The following ENTPD5 variants were observed in gnomAD, a reference collection of about 807,000 sequenced individuals.
ENTPD5 encodes the protein nucleoside diphosphate phosphatase ENTPD5.
A neutral mutation model predicts 60.2 loss-of-function variants in ENTPD5; 49 were observed. The observed-to-expected ratio is 0.81, with a 90% CI of 0.65 to 1.03. The LOEUF is 1.03. Ranked by LOEUF, ENTPD5 falls within the 50% of genes least tolerant of loss-of-function variation. The probability of loss-of-function intolerance (pLI) is 0.00; values close to 1 mark genes in which losing one functional copy is unlikely to be tolerated. For missense variants in ENTPD5, 480 were observed against 507.6 expected (o/e 0.95, Z 0.52); for synonymous variants, 187 against 185.4 (o/e 1.01, Z -0.07).
intron 14 of ENTPD5, among the ~76,000 whole-genome samples, 199 bp downstream of exon 14, chr14:73,971,653 T>A (rs1439521793): frequency 6.6e-6 from 1 of 152,188 alleles, no homozygotes; most frequent in African/African-American, 2.4e-5. Context: ...CCTGAGTAGC[T>A]GGGACTACAG....
At chr14:73,997,432 G>C (rs1443801456) in intron 3 of ENTPD5, among the ~76,000 whole-genome samples, 1 of 152,060 alleles carries the variant, frequency 6.6e-6, no homozygotes, top group Admixed American at 6.6e-5. Context: ...TCCACCAAAA[G>C]GTCCAAAAAG....
rs1414755844 is a variant in ENTPD5, at chr14:73,975,000, A to C, written c.723-15T>G. On this transcript the variant is annotated splice_polypyrimidine_tract_variant and intron_variant, in intron 10 of 15. Coordinates refer to ENST00000334696, the MANE Select transcript of ENTPD5 (RefSeq NM_001249.5). ...ATCCCAGGTAACTGTAAAATACAGGATTGACTAATTTCATGCTGGTCCTGA... is the reference window on the plus strand; with the variant it reads ...ATCCCAGGTAACTGTAAAATACAGGCTTGACTAATTTCATGCTGGTCCTGA... 6.2e-7 allele frequency: 1 copy of C among 1,600,040 alleles called. No homozygotes were observed. The highest frequency in any genetic ancestry group is 1.3e-5 in the African/African-American group (1 of 74,796).
At chr14:74,009,019 C>A (rs1451827497) in intron 3 of ENTPD5, 3 of 152,186 alleles carry the variant, frequency 2.0e-5, no homozygotes, top group African/African-American at 4.8e-5. Flanking sequence ...CCATTCTGTA[C>A]AATGAACTCA....
At chr14:73,955,697 T>TGACA, downstream of ENTPD5, 1 of 1,544,526 alleles carries the variant, frequency 6.5e-7, no homozygotes, top group Non-Finnish European at 8.9e-7. Context: ...CCAGAGAGGC[T>TGACA]GACAAATTGT....
chr14:73,965,269 G>C lies in ENTPD5; in HGVS notation c.*1659C>G, dbSNP rs1007411157. The C allele has an allele frequency of 6.8e-6, 1 of 147,796 alleles. No individual in the cohort carries two copies. The allele number at this position is 147,796 out of a possible 1,614,324, so 9.2% of individuals were successfully genotyped here. On this transcript the variant is annotated 3_prime_UTR_variant, in exon 16 of 16. Coordinates refer to ENST00000334696, the MANE Select transcript of ENTPD5 (RefSeq NM_001249.5). ...CATACTTAACATCCTTTGTGAGAGA[G>C]AGGATGGAAACGGAGTCTACTGTGA...
intron 1 of ENTPD5, among the ~76,000 whole-genome samples, chr14:74,017,973 G>C (rs2059099975): frequency 6.6e-6 from 1 of 151,988 alleles, no homozygotes; most frequent in Non-Finnish European, 1.5e-5. Context: ...CCTGAGGCCA[G>C]GAGTTCGAGA....
chr14:73,973,818 G>A, intron 12 of ENTPD5, 59 bp downstream of exon 12: 1 of 1,468,656 alleles, frequency 6.8e-7, no homozygotes, highest in Admixed American at 1.7e-5. Flanking sequence ...TTTCCCATGG[G>A]ACTTTTCCAG....
At chr14:73,993,921 C>CAAAA (rs144253560) in intron 3 of ENTPD5, among the ~76,000 whole-genome samples, 1 of 93,274 alleles carries the variant, frequency 1.1e-5, no homozygotes, top group African/African-American at 3.2e-5. Context: ...CACGAAAAAA[C>CAAAA]AAACAAAAAA....
intron 11 of ENTPD5, among the ~76,000 whole-genome samples, chr14:73,974,529 T>C (rs2057357012): frequency 6.6e-6 from 1 of 152,230 alleles, no homozygotes; most frequent in African/African-American, 2.4e-5. Flanking sequence ...GCCTGACCTG[T>C]GAAGAGATCA....
At position 73,966,615 on chromosome 14, in the gene ENTPD5, AGTGGAAT is replaced by A. The variant is rs1351489928; in HGVS notation, c.*306_*312del. The A allele has an allele frequency of 1.9e-5, 5 of 258,178 alleles. No homozygotes were observed. Among genetic ancestry groups the A allele is most frequent in the Non-Finnish European group, 3.7e-5 (5 of 135,098 alleles). 16.0% of individuals were successfully genotyped at this position (258,178 alleles called of 1,614,324 possible). On this transcript the variant is annotated 3_prime_UTR_variant, in exon 16 of 16. Coordinates refer to ENST00000334696, the MANE Select transcript of ENTPD5 (RefSeq NM_001249.5). The stretch of plus-strand genomic sequence containing the variant: ...ATTTAAGAGGAAAATTTAAATATTC[AGTGGAAT>A]GAGGCACTCAAAGGGTTGAAATGCG...
downstream of ENTPD5, chr14:73,959,336 C>T (rs773077068): frequency 1.2e-6 from 2 of 1,613,990 alleles, no homozygotes; most frequent in East Asian, 2.2e-5. Flanking sequence ...TTGTAAGTTC[C>T]CTTTTTGTCT....
chr14:73,994,374 G>A (rs534520047), intron 3 of ENTPD5, among the ~76,000 whole-genome samples: 3 of 151,750 alleles, frequency 2.0e-5, no homozygotes, highest in African/African-American at 7.3e-5. Flanking sequence ...TGATCCACTC[G>A]CCTCAGCCTC....
chr14:73,965,632 G>C lies in ENTPD5; in HGVS notation c.*1296C>G, dbSNP rs2056942986. The C allele has an allele frequency of 6.6e-6, 1 of 152,200 alleles. No individual in the cohort carries two copies. The highest frequency in any genetic ancestry group is 1.5e-5 in the Non-Finnish European group (1 of 68,084). The allele number at this position is 152,200 out of a possible 1,614,324, so 9.4% of individuals were successfully genotyped here. ...CAGCTCTTCAGGAGGCTGAGAACAA[G>C]AATCGCTTGAACCTGGGGGCGGAGG... On this transcript the variant is annotated 3_prime_UTR_variant, in exon 16 of 16. Transcript: ENST00000334696.
At chr14:73,975,827 A>G (rs1411892927) in intron 10 of ENTPD5, 109 bp downstream of exon 10, 2 of 948,026 alleles carry the variant, frequency 2.1e-6, no homozygotes, top group East Asian at 4.9e-5. Context: ...GGGAATTGGC[A>G]CAGACTTTGT....
At chr14:73,985,073 T>C (rs896510617) in intron 5 of ENTPD5, among the ~76,000 whole-genome samples, 1 of 152,176 alleles carries the variant, frequency 6.6e-6, no homozygotes, top group African/African-American at 2.4e-5. Flanking sequence ...CATGAACTCA[T>C]CCTTTTTTTA....
chr14:73,974,922 A>G lies in ENTPD5; in HGVS notation c.784+2T>C, dbSNP rs1202911629. ...CCCCCCAGCACAGGTACCCAGACAAACCTTCTGTCTCCAGGGCTCCCAGGG... is the reference window on the plus strand; with the variant it reads ...CCCCCCAGCACAGGTACCCAGACAAGCCTTCTGTCTCCAGGGCTCCCAGGG... On this transcript the variant is annotated splice_donor_variant, in intron 11 of 15. Coordinates refer to ENST00000334696, the MANE Select transcript of ENTPD5 (RefSeq NM_001249.5). LOFTEE classifies it high-confidence loss of function. The G allele has an allele frequency of 1.2e-6, 2 of 1,612,734 alleles. No individual in the cohort carries two copies. The highest frequency in any genetic ancestry group is 8.5e-7 in the Non-Finnish European group (1 of 1,179,080).
At chr14:73,993,762 G>A (rs2058229963) in intron 3 of ENTPD5, among the ~76,000 whole-genome samples, 1 of 151,568 alleles carries the variant, frequency 6.6e-6, no homozygotes, top group Admixed American at 6.6e-5. Flanking sequence ...CTGTGTGACT[G>A]CAGTTTCTTC....
chr14:73,985,404 T>A (rs2057858028), intron 5 of ENTPD5, among the ~76,000 whole-genome samples: 1 of 152,170 alleles, frequency 6.6e-6, no homozygotes. Context: ...CCAGCACTTG[T>A]TGTTTCCTGA....
chr14:73,955,537 A>C, downstream of ENTPD5: 1 of 1,605,270 alleles, frequency 6.2e-7, no homozygotes, highest in South Asian at 1.1e-5. Context: ...CAATTTTGTC[A>C]AGATGTCTTG....
Sources: allele counts gnomAD v4.1 joint callset (sites outside exome capture counted in the v4.1 genomes callset), GRCh38; gene constraint gnomAD v4.1.1; transcripts MANE v1.5; gene names NCBI Gene and HGNC (gene_info 2026-07-23, HGNC 2026-07-21).